The following MEIKIN variants were observed in gnomAD, a reference collection of about 807,000 sequenced individuals.
The protein encoded by MEIKIN is meiotic kinetochore factor.
intron 3 of MEIKIN, 114 bp from the exon 4 acceptor site, chr5:131,942,809 TC>T (rs1335638330): frequency 2.6e-6 from 1 of 382,108 alleles, no homozygotes; most frequent in African/African-American, 2.1e-5. Context: ...TTTATATGTT[TC>T]ATATATATAA....
intron 8 of MEIKIN, among the ~76,000 whole-genome samples, chr5:131,895,102 T>A (rs1299203581): frequency 6.6e-6 from 1 of 152,246 alleles, no homozygotes; most frequent in African/African-American, 2.4e-5. Flanking sequence ...CATGAAGGGC[T>A]GTTGAATTTT....
chr5:131,912,663 C>T (rs908076953), intron 7 of MEIKIN, among the ~76,000 whole-genome samples: 2 of 152,122 alleles, frequency 1.3e-5, no homozygotes, highest in South Asian at 2.1e-4. Context: ...TCCTTTTAAA[C>T]GTATCCTGTC....
At chr5:131,936,390 C>T (rs1246516680) in intron 4 of MEIKIN, among the ~76,000 whole-genome samples, 2 of 152,122 alleles carry the variant, frequency 1.3e-5, no homozygotes, top group African/African-American at 4.8e-5. Context: ...ATAGGCACCT[C>T]CTTTACATTT....
intron 12 of MEIKIN, among the ~76,000 whole-genome samples, chr5:131,812,111 T>C (rs1336074574): frequency 6.6e-6 from 1 of 152,212 alleles, no homozygotes; most frequent in Non-Finnish European, 1.5e-5. Context: ...ATAGTTTAGT[T>C]TTGCCAAGTT....
chr5:131,928,122 C>T (rs939766295), intron 5 of MEIKIN, among the ~76,000 whole-genome samples: 10 of 134,324 alleles, frequency 7.4e-5, no homozygotes, highest in East Asian at 4.4e-4. Flanking sequence ...CCAGCCTGGG[C>T]GACAGAGCAA....
chr5:131,941,140 T>TC, intron 4 of MEIKIN, among the ~76,000 whole-genome samples: 1 of 137,104 alleles, frequency 7.3e-6, no homozygotes, highest in Non-Finnish European at 1.6e-5. Flanking sequence ...CAAGATCTCT[T>TC]CCTTTTTTTT....
chr5:131,851,852 A>G (rs1440423223), intron 10 of MEIKIN, among the ~76,000 whole-genome samples: 1 of 152,220 alleles, frequency 6.6e-6, no homozygotes, highest in Non-Finnish European at 1.5e-5. Context: ...CAAAAAACCA[A>G]CACTATGCCA....
At chr5:131,879,743 T>C (rs937378404) in intron 8 of MEIKIN, among the ~76,000 whole-genome samples, 4 of 152,214 alleles carry the variant, frequency 2.6e-5, no homozygotes, top group Non-Finnish European at 5.9e-5. Context: ...CCTACCTCAC[T>C]GGACCTTACT....
chr5:131,926,630 G>T (rs1324145624), intron 5 of MEIKIN, among the ~76,000 whole-genome samples: 1 of 152,074 alleles, frequency 6.6e-6, no homozygotes, highest in Non-Finnish European at 1.5e-5. Flanking sequence ...TTAAATGTTT[G>T]GTAGAATTCA....
chr5:131,906,657 C>G (rs1197033584), intron 8 of MEIKIN, among the ~76,000 whole-genome samples: 1 of 152,146 alleles, frequency 6.6e-6, no homozygotes, highest in Non-Finnish European at 1.5e-5. Flanking sequence ...AAATGTGGTA[C>G]ATATACACCA....
intron 8 of MEIKIN, among the ~76,000 whole-genome samples, chr5:131,893,611 C>G (rs1328650731): frequency 6.6e-6 from 1 of 152,222 alleles, no homozygotes; most frequent in Non-Finnish European, 1.5e-5. Flanking sequence ...CACCCACTTT[C>G]CAGCACTCCC....
intron 8 of MEIKIN, among the ~76,000 whole-genome samples, chr5:131,896,181 T>C (rs1751047064): frequency 6.6e-6 from 1 of 152,212 alleles, no homozygotes; most frequent in African/African-American, 2.4e-5. Context: ...TCAGTTTCCA[T>C]GTAGTTGTGT....
intron 12 of MEIKIN, among the ~76,000 whole-genome samples, chr5:131,810,757 C>T (rs568307816): frequency 6.6e-6 from 1 of 152,264 alleles, no homozygotes; most frequent in South Asian, 2.1e-4. Flanking sequence ...AACGACTTAC[C>T]CACACCACCT....
Position 131,897,748 on chromosome 5 carries a change from T to C in MEIKIN, c.703+14067A>G, listed in dbSNP as rs190817848. Among the ~76,000 whole-genome samples, 756 of 152,336 alleles carry C rather than the reference T, an allele frequency of 5.0e-3. 5 individuals carry two copies. The highest frequency in any genetic ancestry group is 0.017 in the African/African-American group (693 of 41,580). On this transcript the variant is annotated intron_variant, in intron 8 of 12. Coordinates refer to ENST00000442687, the MANE Select transcript of MEIKIN (RefSeq NM_001303622.2). ...GGTTTTCAGCTCCATCAGGTCATTT[T>C]AGGTCCTCTCTACACTGTTTATTCT... is the stretch of plus-strand genomic sequence containing the variant.
At chr5:131,848,116 G>A (rs568060584) in intron 11 of MEIKIN, among the ~76,000 whole-genome samples, 1 of 152,060 alleles carries the variant, frequency 6.6e-6, no homozygotes, top group South Asian at 2.1e-4. Flanking sequence ...ACAACTTAAG[G>A]AACTAGAAAA....
At chr5:131,927,197 T>A (rs1751601178) in intron 5 of MEIKIN, among the ~76,000 whole-genome samples, 2 of 152,216 alleles carry the variant, frequency 1.3e-5, no homozygotes, top group Non-Finnish European at 2.9e-5. Context: ...CGAAGATATT[T>A]TCTAATTTCC....
intron 4 of MEIKIN, among the ~76,000 whole-genome samples, chr5:131,938,338 T>G (rs1211590164): frequency 6.6e-6 from 1 of 152,026 alleles, no homozygotes; most frequent in East Asian, 1.9e-4. Flanking sequence ...CGGCTAATTT[T>G]TTGTATTTTA....
At chr5:131,812,505 A>T (rs1773015145) in intron 12 of MEIKIN, among the ~76,000 whole-genome samples, 1 of 152,232 alleles carries the variant, frequency 6.6e-6, no homozygotes, top group Non-Finnish European at 1.5e-5. Flanking sequence ...CATCCCTATT[A>T]AGGCGAAGAA....
chr5:131,893,769 G>A (rs1750982188), intron 8 of MEIKIN, among the ~76,000 whole-genome samples: 1 of 152,150 alleles, frequency 6.6e-6, no homozygotes, highest in South Asian at 2.1e-4. Flanking sequence ...TGCAGATTCA[G>A]GATATTAGCC....
Sources: gnomAD v4.1 joint callset for allele counts (sites outside exome capture counted in the v4.1 genomes callset) on GRCh38, gnomAD v4.1.1 for gene constraint, MANE v1.5 for transcripts, NCBI Gene and HGNC (gene_info 2026-07-23, HGNC 2026-07-21) for gene names.